The following TMCO5A variants were observed in gnomAD, a reference collection of about 807,000 sequenced individuals.
TMCO5A encodes the protein transmembrane and coiled-coil domains 5A.
In TMCO5A, 34 loss-of-function variants were observed where a neutral mutation model predicts 42.3. That is an observed-to-expected ratio of 0.80 (90% CI 0.61 to 1.07). TMCO5A has a LOEUF of 1.07. Ranked by LOEUF, TMCO5A falls within the 50% of genes least tolerant of loss-of-function variation. TMCO5A has a pLI of 0.00. For synonymous variants in TMCO5A, 131 were observed against 115.6 expected, an observed-to-expected ratio of 1.13 and a Z score of -0.86; for missense variants, 357 against 327.9, an observed-to-expected ratio of 1.09 and a Z score of -0.69.
the TMCO5A span, among the ~76,000 whole-genome samples, chr15:38,034,599 T>A: frequency 6.6e-6 from 1 of 152,170 alleles, no homozygotes; most frequent in Non-Finnish European, 1.5e-5. Context: ...CAGAGCTCTG[T>A]CCTTAGACCT....
At chr15:38,035,219 T>G in the TMCO5A span, among the ~76,000 whole-genome samples, 1 of 152,176 alleles carries the variant, frequency 6.6e-6, no homozygotes, top group African/African-American at 2.4e-5. Flanking sequence ...CATATGCAAG[T>G]ACATGGGAGA....
At chr15:37,992,385 T>A in the TMCO5A span, among the ~76,000 whole-genome samples, 3 of 152,208 alleles carry the variant, frequency 2.0e-5, no homozygotes, top group East Asian at 5.8e-4. Flanking sequence ...CAGGAACTTA[T>A]ACACTGTTGG....
At chr15:38,010,802 G>A in the TMCO5A span, among the ~76,000 whole-genome samples, 7 of 152,104 alleles carry the variant, frequency 4.6e-5, no homozygotes, top group Non-Finnish European at 7.4e-5. Flanking sequence ...ACCCAGGCTA[G>A]AGTGCAGTGG....
At chr15:38,000,991 T>A in the TMCO5A span, among the ~76,000 whole-genome samples, 1 of 152,102 alleles carries the variant, frequency 6.6e-6, no homozygotes, top group Non-Finnish European at 1.5e-5. Flanking sequence ...GGATGAAATG[T>A]TCTGTAAATA....
chr15:38,018,573 AG>A, the TMCO5A span, among the ~76,000 whole-genome samples: 14 of 152,254 alleles, frequency 9.2e-5, no homozygotes, highest in East Asian at 2.7e-3. Context: ...CAAAAAAAAG[AG>A]ATGTAAATGA....
chr15:38,005,736 GAA>G, the TMCO5A span, among the ~76,000 whole-genome samples: 2 of 152,192 alleles, frequency 1.3e-5, no homozygotes, highest in African/African-American at 4.8e-5. Flanking sequence ...ACTGTATGAT[GAA>G]AAAGTTTTCC....
the TMCO5A span, among the ~76,000 whole-genome samples, chr15:38,030,861 C>A: frequency 6.6e-6 from 1 of 152,108 alleles, no homozygotes. Flanking sequence ...CCTTTGATTG[C>A]CCAAAATGAG....
chr15:37,936,359 CATT>C lies in TMCO5A; in HGVS notation c.39_41del (p.Ile14del). ...CAAGATTGGCTCAGTCAAAAAGAAA[CATT>C]ATCAGTTTGAACATGGACCTTGAAA... On this transcript the variant is annotated inframe_deletion, in exon 3 of 12. Transcript: ENST00000319669. The C allele has an allele frequency of 6.2e-7, 1 of 1,612,516 alleles. No homozygotes were observed. Among genetic ancestry groups the C allele is most frequent in the Non-Finnish European group, 8.5e-7 (1 of 1,179,200 alleles).
At chr15:37,990,145 G>A in the TMCO5A span, among the ~76,000 whole-genome samples, 3 of 152,032 alleles carry the variant, frequency 2.0e-5, no homozygotes, top group East Asian at 1.9e-4. Flanking sequence ...AGATCTAATC[G>A]GCTAATTGTG....
the TMCO5A span, chr15:38,020,627 A>T: frequency 1.3e-5 from 2 of 152,204 alleles, no homozygotes; most frequent in Non-Finnish European, 2.9e-5. Flanking sequence ...GCAAATTCAA[A>T]ATAATTTGGT....
chr15:38,021,786 A>T, the TMCO5A span, among the ~76,000 whole-genome samples: 2 of 151,392 alleles, frequency 1.3e-5, no homozygotes, highest in African/African-American at 4.8e-5. Flanking sequence ...AAACTATAAC[A>T]TCTTTGGAAG....
the TMCO5A span, chr15:38,020,054 A>T: frequency 1.3e-5 from 2 of 151,876 alleles, no homozygotes; most frequent in Non-Finnish European, 2.9e-5. Flanking sequence ...GTGCAGTGAC[A>T]CAATCATAAC....
chr15:38,026,138 G>C, the TMCO5A span, among the ~76,000 whole-genome samples: 1 of 152,212 alleles, frequency 6.6e-6, no homozygotes, highest in Non-Finnish European at 1.5e-5. Context: ...AAGAGACTTT[G>C]AAACTGGATG....
the TMCO5A span, among the ~76,000 whole-genome samples, chr15:38,008,764 A>G: frequency 1.3e-5 from 2 of 152,182 alleles, no homozygotes; most frequent in African/African-American, 2.4e-5. Context: ...CAGAGGAGGG[A>G]CAGAATGTTC....
the TMCO5A span, among the ~76,000 whole-genome samples, chr15:37,980,391 T>C: frequency 1.3e-5 from 2 of 152,252 alleles, no homozygotes; most frequent in East Asian, 3.9e-4. Context: ...AAGCAGCTCA[T>C]GTCAGTCTAG....
At chr15:37,976,392 G>C in the TMCO5A span, among the ~76,000 whole-genome samples, 1 of 152,178 alleles carries the variant, frequency 6.6e-6, no homozygotes, top group South Asian at 2.1e-4. Flanking sequence ...CTTGGGGATA[G>C]TCATCTTGTA....
At chr15:37,958,243 A>G (rs1384553136) in intron 11 of TMCO5A, among the ~76,000 whole-genome samples, 1 of 152,244 alleles carries the variant, frequency 6.6e-6, no homozygotes, top group Non-Finnish European at 1.5e-5. Flanking sequence ...GGTAAATGGG[A>G]TATATTTAAA....
At chr15:37,995,002 G>A in the TMCO5A span, among the ~76,000 whole-genome samples, 1 of 152,130 alleles carries the variant, frequency 6.6e-6, no homozygotes, top group South Asian at 2.1e-4. Context: ...TGGGGCTAGG[G>A]AACTGTGCAA....
chr15:37,970,342 C>T (rs1174916280), downstream of TMCO5A, among the ~76,000 whole-genome samples: 1 of 152,192 alleles, frequency 6.6e-6, no homozygotes, highest in Non-Finnish European at 1.5e-5. Context: ...ATCTGCTCTC[C>T]TGAGACTTAT....
Sources: gnomAD v4.1 joint callset for allele counts (sites outside exome capture counted in the v4.1 genomes callset) on GRCh38, gnomAD v4.1.1 for gene constraint, MANE v1.5 for transcripts, NCBI Gene and HGNC (gene_info 2026-07-23, HGNC 2026-07-21) for gene names.